The following CCDC195 variants were observed in gnomAD, a reference collection of about 807,000 sequenced individuals.
The protein encoded by CCDC195 is coiled-coil domain containing 195.
At chr2:224,713,133 C>G (rs558043108) in intron 1 of CCDC195, among the ~76,000 whole-genome samples, 1 of 152,306 alleles carries the variant, frequency 6.6e-6, no homozygotes, top group African/African-American at 2.4e-5. Context: ...TCCCAAAGTG[C>G]TGAGATTTCA....
At chr2:224,714,432 G>T (rs1181541219) in intron 1 of CCDC195, among the ~76,000 whole-genome samples, 1 of 152,152 alleles carries the variant, frequency 6.6e-6, no homozygotes, top group Non-Finnish European at 1.5e-5. Flanking sequence ...GAGCAAGGCG[G>T]TGGTTTTCAA....
intron 2 of CCDC195, among the ~76,000 whole-genome samples, chr2:224,708,007 C>CCTTT (rs1328232423): frequency 2.0e-5 from 1 of 50,232 alleles, no homozygotes; most frequent in Non-Finnish European, 3.3e-5. Context: ...TCCCTTCCTT[C>CCTTT]CTTTCTTCCT....
intron 2 of CCDC195, among the ~76,000 whole-genome samples, chr2:224,706,889 G>GTATATATA (rs140990871): frequency 2.1e-5 from 3 of 141,202 alleles, no homozygotes; most frequent in African/African-American, 5.1e-5. Flanking sequence ...GTGTCTGTGT[G>GTATATATA]TATATATATA....
At chr2:224,714,242 T>C (rs184066659) in intron 1 of CCDC195, among the ~76,000 whole-genome samples, 1 of 152,240 alleles carries the variant, frequency 6.6e-6, no homozygotes, top group Non-Finnish European at 1.5e-5. Flanking sequence ...CTTATGAATA[T>C]GTTCTAACCT....
chr2:224,710,198 C>T lies in CCDC195; in HGVS notation c.257G>A (p.Arg86His), dbSNP rs1179363592. 9 of 398,492 alleles carry T rather than the reference C, an allele frequency of 2.3e-5. No homozygotes were observed. In the East Asian group the frequency reaches 3.2e-4, roughly 14 times the overall value. 24.7% of individuals were successfully genotyped at this position (398,492 alleles called of 1,614,324 possible). A position where few individuals can be genotyped will look rare whatever the true frequency, so the allele number is the denominator to read the frequency against. The stretch of plus-strand genomic sequence containing the variant: ...GCAAACTGATGATGAAATGGAATAG[C>T]GTCTAACAATCATGACATTGCCTGT... Residue 86 changes from arginine to histidine, a missense_variant, in exon 2 of 3, where the codon CGC (arginine) becomes CAC (histidine). Arg to His is a conservative substitution (Grantham distance 29). Transcript: ENST00000638102.
intron 2 of CCDC195, among the ~76,000 whole-genome samples, chr2:224,704,563 C>T (rs1262873435): frequency 6.7e-6 from 1 of 148,278 alleles, no homozygotes; most frequent in Non-Finnish European, 1.5e-5. Flanking sequence ...ATTTGGTGGC[C>T]TGCGTCTCAG....
chr2:224,710,633 C>T (rs764217072), intron 1 of CCDC195, among the ~76,000 whole-genome samples: 15 of 152,112 alleles, frequency 9.9e-5, no homozygotes, highest in Non-Finnish European at 2.2e-4. Context: ...AGGGAAACTT[C>T]GTCTCAAACA....
chr2:224,709,543 G>T (rs907425731), intron 2 of CCDC195, among the ~76,000 whole-genome samples: 1 of 152,340 alleles, frequency 6.6e-6, no homozygotes, highest in South Asian at 2.1e-4. Context: ...CACCAGAACA[G>T]CTGTTCTCTG....
intron 2 of CCDC195, among the ~76,000 whole-genome samples, chr2:224,707,176 C>T (rs142429494): frequency 3.9e-5 from 6 of 152,146 alleles, no homozygotes; most frequent in South Asian, 4.1e-4. Flanking sequence ...TCCTTGTTTT[C>T]GATATTGTTC....
At chr2:224,707,097 A>G (rs1215026014) in intron 2 of CCDC195, among the ~76,000 whole-genome samples, 1 of 152,070 alleles carries the variant, frequency 6.6e-6, no homozygotes, top group African/African-American at 2.4e-5. Context: ...AATCATGTCC[A>G]CTGTTAGCAC....
intron 2 of CCDC195, among the ~76,000 whole-genome samples, chr2:224,707,092 T>A (rs567608273): frequency 6.6e-6 from 1 of 152,130 alleles, no homozygotes; most frequent in Non-Finnish European, 1.5e-5. Context: ...CTAGAAATCA[T>A]GTCCACTGTT....
intron 2 of CCDC195, among the ~76,000 whole-genome samples, chr2:224,704,338 G>A (rs1264449760): frequency 2.6e-5 from 4 of 152,330 alleles, no homozygotes; most frequent in South Asian, 2.1e-4. Flanking sequence ...GGGGGTAAGA[G>A]CAATAGCCCC....
chr2:224,715,498 A>C (rs1051989397), intron 1 of CCDC195, among the ~76,000 whole-genome samples: 27 of 152,238 alleles, frequency 1.8e-4, no homozygotes, highest in African/African-American at 6.5e-4. Flanking sequence ...ACAGGACAAT[A>C]AAGTTATTAG....
At chr2:224,708,567 G>C (rs1005658950) in intron 2 of CCDC195, among the ~76,000 whole-genome samples, 1 of 152,108 alleles carries the variant, frequency 6.6e-6, no homozygotes, top group Non-Finnish European at 1.5e-5. Context: ...TTCTGCAAGG[G>C]AAACACAATT....
chr2:224,713,165 C>T (rs1447827984), intron 1 of CCDC195, among the ~76,000 whole-genome samples: 1 of 152,148 alleles, frequency 6.6e-6, no homozygotes, highest in Non-Finnish European at 1.5e-5. Flanking sequence ...CTGTGCCTGG[C>T]CTCTAACGTT....
At chr2:224,714,301 T>G (rs1689355662) in intron 1 of CCDC195, among the ~76,000 whole-genome samples, 1 of 152,260 alleles carries the variant, frequency 6.6e-6, no homozygotes, top group African/African-American at 2.4e-5. Flanking sequence ...AGGGCAATAC[T>G]CTGTTCTTTG....
intron 1 of CCDC195, among the ~76,000 whole-genome samples, chr2:224,711,876 A>T (rs2124852829): frequency 6.6e-6 from 1 of 152,312 alleles, no homozygotes; most frequent in South Asian, 2.1e-4. Context: ...TGAAGTGATT[A>T]ACTACAAATA....
intron 2 of CCDC195, among the ~76,000 whole-genome samples, chr2:224,707,412 G>A (rs865893976): frequency 6.6e-6 from 1 of 152,160 alleles, no homozygotes; most frequent in South Asian, 2.1e-4. Context: ...TCCTACCCAG[G>A]GCTTCTGCAT....
At chr2:224,709,525 C>A (rs754126778) in intron 2 of CCDC195, among the ~76,000 whole-genome samples, 1 of 152,202 alleles carries the variant, frequency 6.6e-6, no homozygotes, top group Admixed American at 6.5e-5. Flanking sequence ...CACTAAGGCA[C>A]CTGCCTCCAC....
Sources: gnomAD v4.1 joint callset for allele counts (sites outside exome capture counted in the v4.1 genomes callset) on GRCh38, gnomAD v4.1.1 for gene constraint, MANE v1.5 for transcripts, NCBI Gene and HGNC (gene_info 2026-07-23, HGNC 2026-07-21) for gene names.